The following KCNIP3 variants were observed in gnomAD, a reference collection of about 807,000 sequenced individuals.
KCNIP3 encodes calsenilin.
A neutral mutation model predicts 35.0 loss-of-function variants in KCNIP3; 28 were observed. The observed-to-expected ratio is 0.80, with a 90% CI of 0.59 to 1.10. The LOEUF (loss-of-function observed/expected upper bound fraction) is 1.10. Among genes scored for constraint, KCNIP3 ranks in the 50% least tolerant of loss-of-function variants. The pLI, the probability that KCNIP3 is intolerant of heterozygous loss-of-function variation, is 0.00. For synonymous variants in KCNIP3, 134 were observed against 133.8 expected, an observed-to-expected ratio of 1.00 and a Z score of -0.01; for missense variants, 295 against 338.4, an observed-to-expected ratio of 0.87 and a Z score of 1.01.
intron 2 of KCNIP3, among the ~76,000 whole-genome samples, chr2:95,362,651 C>T (rs960481696): frequency 3.3e-5 from 5 of 152,116 alleles, no homozygotes; most frequent in Non-Finnish European, 5.9e-5. Context: ...AATTTAATGC[C>T]GCTGCTCATC....
At chr2:95,321,883 G>A (rs532343799) in intron 2 of KCNIP3, among the ~76,000 whole-genome samples, 1 of 152,088 alleles carries the variant, frequency 6.6e-6, no homozygotes, top group South Asian at 2.1e-4. Context: ...CTGCCCCTCC[G>A]AGAGTCAGAT....
At chr2:95,337,071 C>G (rs959293411) in intron 2 of KCNIP3, among the ~76,000 whole-genome samples, 1 of 152,222 alleles carries the variant, frequency 6.6e-6, no homozygotes, top group African/African-American at 2.4e-5. Context: ...TGGCTCCCTC[C>G]TTTCCAGACC....
intron 2 of KCNIP3, among the ~76,000 whole-genome samples, chr2:95,346,488 G>C (rs1044337833): frequency 4.0e-5 from 6 of 149,632 alleles, no homozygotes; most frequent in Non-Finnish European, 7.5e-5. Context: ...GGGCAGGCGC[G>C]GGGGGGCCGC....
intron 2 of KCNIP3, among the ~76,000 whole-genome samples, chr2:95,338,231 T>A (rs1248987471): frequency 6.6e-6 from 1 of 152,208 alleles, no homozygotes; most frequent in Non-Finnish European, 1.5e-5. Context: ...CTTGGGCACA[T>A]CTCTTAGGCT....
chr2:95,301,654 G>C (rs1678033819), intron 1 of KCNIP3, among the ~76,000 whole-genome samples: 1 of 152,216 alleles, frequency 6.6e-6, no homozygotes, highest in Admixed American at 6.5e-5. Context: ...CATCCCTTCT[G>C]ACTGTTGAGG....
chr2:95,355,617 T>C (rs2104279008), intron 2 of KCNIP3, among the ~76,000 whole-genome samples: 1 of 152,332 alleles, frequency 6.6e-6, no homozygotes, highest in East Asian at 1.9e-4. Flanking sequence ...GTCCTTGTGA[T>C]AGTTTGCTGA....
chr2:95,348,665 G>C (rs1679437520), intron 2 of KCNIP3, among the ~76,000 whole-genome samples: 1 of 152,196 alleles, frequency 6.6e-6, no homozygotes, highest in Admixed American at 6.5e-5. Context: ...TGGACAGTAT[G>C]CACAAGATGA....
chr2:95,307,907 G>A (rs910816782), intron 1 of KCNIP3, among the ~76,000 whole-genome samples: 2 of 152,160 alleles, frequency 1.3e-5, no homozygotes, highest in Non-Finnish European at 2.9e-5. Flanking sequence ...TCTCCCCTAC[G>A]ACCCTCCTTA....
In KCNIP3 at chr2:95,376,937, T is replaced by TTACTGATATGGTAAAAGGTAATA. The variant is rs1179355507; in HGVS notation, c.447+1730_447+1752dup. 6.6e-6 allele frequency among the ~76,000 whole-genome samples: 1 copy of TTACTGATATGGTAAAAGGTAATA among 152,194 alleles called. No individual in the cohort carries two copies. The highest frequency in any genetic ancestry group is 1.9e-4 in the East Asian group (1 of 5,200). On this transcript the variant is annotated intron_variant, in intron 5 of 8. Transcript: ENST00000295225. This position sits in a 1 kb window ranked among gnomAD's most constrained non-coding sequence, Gnocchi z 4.2. Reference sequence around the variant, plus strand: ...AGACAAGATGCATATTAGTTACAGTTTACTGATATGGTAAAAGGTAATACC... The same window carrying TTACTGATATGGTAAAAGGTAATA: ...AGACAAGATGCATATTAGTTACAGTTTACTGATATGGTAAAAGGTAATATACTGATATGGTAAAAGGTAATACC...
At chr2:95,367,251 C>G (rs549888835) in intron 2 of KCNIP3, among the ~76,000 whole-genome samples, 1 of 151,762 alleles carries the variant, frequency 6.6e-6, no homozygotes, top group South Asian at 2.1e-4. Context: ...CCAGCCTGGG[C>G]GACGGAGCCA....
intron 2 of KCNIP3, among the ~76,000 whole-genome samples, chr2:95,314,307 T>C (rs903892464): frequency 6.6e-6 from 1 of 152,208 alleles, no homozygotes; most frequent in Non-Finnish European, 1.5e-5. Context: ...AAGTGAGATG[T>C]CAGATCAGTG....
Position 95,310,512 on chromosome 2 carries a change from A to C in KCNIP3, c.173A>C (p.Gln58Pro). 1 of 1,336,720 alleles carries C rather than the reference A, an allele frequency of 7.5e-7. No homozygotes were observed. Among genetic ancestry groups the C allele is most frequent in the Non-Finnish European group, 1.0e-6 (1 of 997,600 alleles). 82.8% of individuals were successfully genotyped at this position (1,336,720 alleles called of 1,614,324 possible). A position where few individuals can be genotyped will look rare whatever the true frequency, so the allele number is the denominator to read the frequency against. Reference sequence around the variant, plus strand: ...TGGATCCTGTCCAGCACAGCCCCACAGGGCTCAGGTAGGGGCCAGGGTGGG... The same window carrying C: ...TGGATCCTGTCCAGCACAGCCCCACCGGGCTCAGGTAGGGGCCAGGGTGGG... ...VKWILSSTAP[Q>P]GSDSSDSELE... The change falls in exon 2 of 9, where the codon CAG becomes CCG. Residue 58 changes from glutamine to proline, a missense_variant. Coordinates refer to ENST00000295225, the MANE Select transcript of KCNIP3 (RefSeq NM_013434.5).
At chr2:95,326,013 A>C (rs1354563269) in intron 2 of KCNIP3, among the ~76,000 whole-genome samples, 1 of 151,808 alleles carries the variant, frequency 6.6e-6, no homozygotes, top group Non-Finnish European at 1.5e-5. Context: ...AGACACACAC[A>C]TACACATTCA....
chr2:95,351,659 C>A (rs977232041), intron 2 of KCNIP3, among the ~76,000 whole-genome samples: 1 of 152,198 alleles, frequency 6.6e-6, no homozygotes, highest in Non-Finnish European at 1.5e-5. Flanking sequence ...GAAACCAAAA[C>A]AAATTTACTG....
At chr2:95,373,672 C>T (rs1435090104) in intron 2 of KCNIP3, among the ~76,000 whole-genome samples, 1 of 152,188 alleles carries the variant, frequency 6.6e-6, no homozygotes, top group Non-Finnish European at 1.5e-5. Flanking sequence ...TCTGCCTCAG[C>T]CTCCCAAAGT....
Position 95,374,291 on chromosome 2 carries a change from T to C in KCNIP3, c.182-5T>C. The C allele has an allele frequency of 1.2e-6, 2 of 1,613,544 alleles. No homozygotes were observed. Among genetic ancestry groups the C allele is most frequent in the Non-Finnish European group, 1.7e-6 (2 of 1,179,794 alleles). On this transcript the variant is annotated splice_region_variant and splice_polypyrimidine_tract_variant and intron_variant, in intron 2 of 8. Transcript: ENST00000295225. ...TTACACTCTCTGGTCTGTGTCCCAC[T>C]CCAGATAGCAGCGACAGTGAGCTGG...
At chr2:95,325,842 C>A (rs1201308764) in intron 2 of KCNIP3, among the ~76,000 whole-genome samples, 1 of 60,284 alleles carries the variant, frequency 1.7e-5, no homozygotes, top group Non-Finnish European at 3.3e-5. Flanking sequence ...CATACACACT[C>A]ATACACACAT....
chr2:95,368,601 C>A, intron 2 of KCNIP3: 1 of 377,454 alleles, frequency 2.6e-6, no homozygotes. Flanking sequence ...GTGTCTTTGC[C>A]ATCCCGTTTC....
chr2:95,382,602 T>G lies in KCNIP3; in HGVS notation c.660+121T>G, dbSNP rs1573525316. ...AGCCTCCCTACTCCCCATGAGGAGGTTAAACTTGCCCCTCCAGTCTGGCTG... is the reference window on the plus strand; with the variant it reads ...AGCCTCCCTACTCCCCATGAGGAGGGTAAACTTGCCCCTCCAGTCTGGCTG... On this transcript the variant is annotated intron_variant, in intron 7 of 8. Coordinates refer to ENST00000295225, the MANE Select transcript of KCNIP3 (RefSeq NM_013434.5). This position sits in a 1 kb window ranked among gnomAD's most constrained non-coding sequence, Gnocchi z 4.5. 3.2e-6 allele frequency: 2 copies of G among 622,200 alleles called. No homozygotes were observed. Among genetic ancestry groups the G allele is most frequent in the Non-Finnish European group, 5.4e-6 (2 of 367,292 alleles). 38.5% of individuals were successfully genotyped at this position (622,200 alleles called of 1,614,324 possible). A position where few individuals can be genotyped will look rare whatever the true frequency, so the allele number is the denominator to read the frequency against.
Sources: allele counts gnomAD v4.1 joint callset (sites outside exome capture counted in the v4.1 genomes callset), GRCh38; gene constraint gnomAD v4.1.1; non-coding constraint Gnocchi (gnomAD v3.1); transcripts MANE v1.5; gene names NCBI Gene and HGNC (gene_info 2026-07-23, HGNC 2026-07-21).